PMM1: variants seen among roughly 807,000 people sequenced by gnomAD.
The protein encoded by PMM1 is phosphomannomutase 1.
PMM1 carries 25 observed loss-of-function variants against 34.0 expected under a neutral mutation model. The observed-to-expected ratio is 0.73, with a 90% CI of 0.54 to 1.03. The LOEUF (loss-of-function observed/expected upper bound fraction) is 1.03, where lower values mean the gene tolerates loss of function less well. PMM1 is among the 50% of genes least tolerant of loss of function. PMM1 has a pLI of 0.00. For missense variants in PMM1, 321 were observed against 350.1 expected (o/e 0.92, Z 0.66); for synonymous variants, 134 against 143.9 (o/e 0.93, Z 0.49).
chr22:41,583,691 C>T (rs1469559349), intron 5 of PMM1, among the ~76,000 whole-genome samples: 1 of 151,868 alleles, frequency 6.6e-6, no homozygotes, highest in Non-Finnish European at 1.5e-5. Flanking sequence ...TTGTTGGACC[C>T]GATGTGGGTG....
At chr22:41,588,138 C>T (rs2067333012) in intron 1 of PMM1, among the ~76,000 whole-genome samples, 1 of 152,250 alleles carries the variant, frequency 6.6e-6, no homozygotes, top group East Asian at 1.9e-4. Flanking sequence ...GCAACCTCCA[C>T]CTCCTGGGTT....
In PMM1 at chr22:41,589,444, G is replaced by A. The variant is rs2067354710; in HGVS notation, c.87+275C>T. ...GTGACAGCCTCCGGGGAGGGAGGGA[G>A]CTAGGCCCCTGCTCGCAGCCTCCTC... is the stretch of plus-strand genomic sequence containing the variant. On this transcript the variant is annotated intron_variant, in intron 1 of 7. Coordinates refer to ENST00000216259, the MANE Select transcript of PMM1 (RefSeq NM_002676.3). The A allele has an allele frequency of 5.4e-6, 3 of 556,996 alleles. No individual in the cohort carries two copies. The South Asian group carries it at 6.1e-5, about 11-fold the overall frequency. The allele number at this position is 556,996 out of a possible 1,614,324, so 34.5% of individuals were successfully genotyped here.
In PMM1 at chr22:41,578,862, T is replaced by A. The variant is rs751616999; in HGVS notation, c.494A>T (p.Lys165Met). The A allele has an allele frequency of 3.7e-6, 6 of 1,613,970 alleles. No individual in the cohort carries two copies. The highest frequency in any genetic ancestry group is 4.2e-6 in the Non-Finnish European group (5 of 1,179,936). Residue 165 changes from lysine to methionine, a missense_variant, in exon 6 of 8, where the codon AAG becomes ATG. Coordinates refer to ENST00000216259, the MANE Select transcript of PMM1 (RefSeq NM_002676.3). ...CTCTGTTTTCAGGGCTTCCACGAAC[T>A]TCTCCCGGATCTTCTCTTTCTGCAG... is the stretch of plus-strand genomic sequence containing the variant. ...ELDKKEKIRE[K>M]FVEALKTEFA...
chr22:41,579,370 C>T (rs1026145268), intron 5 of PMM1: 7 of 163,598 alleles, frequency 4.3e-5, no homozygotes, highest in Admixed American at 2.3e-4. Context: ...TGCAAAGACG[C>T]GGCTGGGCTG....
intron 5 of PMM1, among the ~76,000 whole-genome samples, chr22:41,583,211 G>A (rs2067266253): frequency 6.6e-6 from 1 of 152,136 alleles, no homozygotes; most frequent in Admixed American, 6.5e-5. Context: ...TGTGCGTGGT[G>A]GCTCATGCCT....
Position 41,582,156 on chromosome 22 carries a change from A to C in PMM1, c.474+1803T>G, listed in dbSNP as rs563189186. On this transcript the variant is annotated intron_variant, in intron 5 of 7. Transcript: ENST00000216259. ...GAAACTCAGTCTCCAAAAAAAAAAA[A>C]ACAAAAAAGGGTATTTCTTTGCGAG... Among the ~76,000 whole-genome samples, 5 of 152,092 alleles carry C rather than the reference A, an allele frequency of 3.3e-5. No individual in the cohort carries two copies. In the East Asian group the frequency reaches 9.7e-4, roughly 29 times the overall value.
intron 1 of PMM1, 22 bp from the exon 2 acceptor site, chr22:41,586,215 A>AT (rs2067306245): frequency 1.9e-6 from 3 of 1,603,086 alleles, no homozygotes; most frequent in Non-Finnish European, 2.5e-6. Context: ...GAGGGGAAGC[A>AT]TAGCATTCTG....
intron 5 of PMM1, chr22:41,579,771 A>AAAG (rs1455887434): frequency 2.6e-5 from 4 of 152,396 alleles, no homozygotes; most frequent in Non-Finnish European, 5.9e-5. Context: ...TGTCAGATAT[A>AAAG]AAGCCAGACA....
intron 5 of PMM1, chr22:41,579,682 G>A (rs1470211968): frequency 6.5e-6 from 1 of 152,826 alleles, no homozygotes; most frequent in Non-Finnish European, 1.5e-5. Flanking sequence ...TGGCCCTGTA[G>A]TCAGAGCCGG....
At position 41,584,544 on chromosome 22, in the gene PMM1, G is replaced by C; in HGVS notation, c.265C>G (p.Arg89Gly). 6.2e-7 allele frequency: 1 copy of C among 1,613,654 alleles called. No homozygotes were observed. ...ACACTGACCTGCTTGGAGAGCAGTCGTCCGTGCTTATACTGCACCGTCCCG... is the reference window on the plus strand; with the variant it reads ...ACACTGACCTGCTTGGAGAGCAGTCCTCCGTGCTTATACTGCACCGTCCCG... Reference protein sequence around the residue: ...ENGTVQYKHGRLLSKQTIQNH... With the variant: ...ENGTVQYKHGGLLSKQTIQNH... Residue 89 changes from arginine (R) to glycine (G), a missense_variant, in exon 3 of 8, where the codon CGA becomes GGA. Physicochemically the swap from Arg to Gly is moderately radical, Grantham distance 125. Transcript: ENST00000216259.
chr22:41,581,227 G>A (rs966312405), intron 5 of PMM1, among the ~76,000 whole-genome samples: 1 of 152,078 alleles, frequency 6.6e-6, no homozygotes, highest in African/African-American at 2.4e-5. Context: ...AGGAGGCTGA[G>A]GCAGGAGAAT....
chr22:41,589,531 G>A, intron 1 of PMM1, 188 bp downstream of exon 1: 2 of 606,524 alleles, frequency 3.3e-6, no homozygotes, highest in Admixed American at 2.9e-5. Context: ...ACGCTGCGGG[G>A]TCAGTGACGT....
At position 41,577,351 on chromosome 22, in the gene PMM1, C is replaced by T; in HGVS notation, c.756G>A (p.Glu252=). The change falls in exon 8 of 8, where the codon GAG becomes GAA. Residue 252 remains glutamate, a synonymous_variant. Coordinates refer to ENST00000216259, the MANE Select transcript of PMM1 (RefSeq NM_002676.3). ...CATGAGCTGTCTCTGGGAAGAAAATCTCCCGGCATCGCTGCACCGTGTCCT... is the reference window on the plus strand; with the variant it reads ...CATGAGCTGTCTCTGGGAAGAAAATTTCCCGGCATCGCTGCACCGTGTCCT... ...SPQDTVQRCR[E]IFFPETAHEA The T allele has an allele frequency of 6.2e-7, 1 of 1,613,050 alleles. No homozygotes were observed. Among genetic ancestry groups the T allele is most frequent in the Middle Eastern group, 1.6e-4 (1 of 6,062 alleles).
intron 1 of PMM1, chr22:41,588,912 T>A (rs2147022692): frequency 1.7e-6 from 2 of 1,177,778 alleles, no homozygotes; most frequent in African/African-American, 3.2e-5. Context: ...AGGGCATGAA[T>A]GAAGCCTGCT....
chr22:41,584,158 G>T, intron 4 of PMM1, 100 bp from the exon 5 acceptor site: 1 of 1,293,876 alleles, frequency 7.7e-7, no homozygotes, highest in Non-Finnish European at 1.1e-6. Context: ...CTTCAAAGGG[G>T]ACAAGAATCC....
At chr22:41,588,218 T>TTTTTG (rs1320530182) in intron 1 of PMM1, among the ~76,000 whole-genome samples, 3 of 152,056 alleles carry the variant, frequency 2.0e-5, no homozygotes, top group Admixed American at 6.6e-5. Context: ...GCCCATCTAC[T>TTTTTG]TTTTGTTTTG....
chr22:41,588,833 C>G, intron 1 of PMM1: 2 of 985,430 alleles, frequency 2.0e-6, no homozygotes, highest in Non-Finnish European at 2.4e-6. Flanking sequence ...TCCCACTGCT[C>G]CCCCACGCTA....
rs1231049031 is a variant in PMM1 at position 41,584,292 on chromosome 22, C to T, written c.363G>A (p.Leu121=). 1 of 1,613,946 alleles carries T rather than the reference C, an allele frequency of 6.2e-7. No individual in the cohort carries two copies. The highest frequency in any genetic ancestry group is 8.5e-7 in the Non-Finnish European group (1 of 1,179,944). The part of the protein sequence containing the change: ...FCLSYMALLR[L]PKKRGTFIEF... ...TGGTGGGACCTCACCGCTTCTTGGG[C>T]AGCCTGAGCAGGGCCATGTAGCTGA... Residue 121 remains leucine, a synonymous_variant, in exon 4 of 8, where the codon CTG becomes CTA. Coordinates refer to ENST00000216259, the MANE Select transcript of PMM1 (RefSeq NM_002676.3).
intron 1 of PMM1, among the ~76,000 whole-genome samples, chr22:41,586,943 C>T (rs930138963): frequency 7.2e-6 from 1 of 138,324 alleles, no homozygotes; most frequent in Admixed American, 7.9e-5. Flanking sequence ...CATGGTGAAA[C>T]TCTGTTTCTA....
Sources: allele counts gnomAD v4.1 joint callset (sites outside exome capture counted in the v4.1 genomes callset), GRCh38; gene constraint gnomAD v4.1.1; transcripts MANE v1.5; gene names NCBI Gene and HGNC (gene_info 2026-07-23, HGNC 2026-07-21).